The following TRAM2 variants were observed in gnomAD, a reference collection of about 807,000 sequenced individuals.
TRAM2 encodes translocating chain-associated membrane protein 2.
TRAM2 carries 12 observed loss-of-function variants against 51.0 expected under a neutral mutation model. That is an observed-to-expected ratio of 0.24 (90% CI 0.15 to 0.38). The LOEUF (loss-of-function observed/expected upper bound fraction) is 0.38. Among genes scored for constraint, TRAM2 ranks in the 10% least tolerant of loss-of-function variants. TRAM2 has a pLI of 1.00. For missense variants in TRAM2, 361 were observed against 462.0 expected, an observed-to-expected ratio of 0.78 and a Z score of 2.00; for synonymous variants, 175 against 179.4, an observed-to-expected ratio of 0.98 and a Z score of 0.20.
At chr6:52,556,105 A>G (rs1303628739) in intron 1 of TRAM2, among the ~76,000 whole-genome samples, 1 of 152,052 alleles carries the variant, frequency 6.6e-6, no homozygotes, top group Non-Finnish European at 1.5e-5. Flanking sequence ...TGCTGAAGCC[A>G]TATGATCTTT....
At chr6:52,509,052 C>T (rs767027064) in intron 5 of TRAM2, among the ~76,000 whole-genome samples, 4 of 151,930 alleles carry the variant, frequency 2.6e-5, no homozygotes, top group Non-Finnish European at 4.4e-5. Context: ...AGACAAAAAA[C>T]AAAGATCTCG....
chr6:52,568,593 C>G (rs1388443478), intron 1 of TRAM2, among the ~76,000 whole-genome samples: 1 of 152,164 alleles, frequency 6.6e-6, no homozygotes, highest in Non-Finnish European at 1.5e-5. Context: ...AGGTCAGGAG[C>G]TCCCAGACTG....
intron 4 of TRAM2, 41 bp from the exon 5 acceptor site, chr6:52,509,627 G>C (rs201206068): frequency 1.5e-5 from 24 of 1,602,778 alleles, no homozygotes; most frequent in African/African-American, 6.7e-5. Flanking sequence ...AGATGTGGAC[G>C]TGAGACCTGC....
At chr6:52,543,934 T>C (rs1234335050) in intron 1 of TRAM2, among the ~76,000 whole-genome samples, 2 of 152,198 alleles carry the variant, frequency 1.3e-5, no homozygotes, top group Admixed American at 6.5e-5. Context: ...TTCATTTGCT[T>C]GTTTGCTCTT....
intron 1 of TRAM2, among the ~76,000 whole-genome samples, chr6:52,548,188 G>C (rs1030976596): frequency 1.3e-5 from 2 of 152,202 alleles, no homozygotes; most frequent in Non-Finnish European, 2.9e-5. Context: ...GCAATTACGA[G>C]ACCCGCTTCC....
chr6:52,504,901 CACT>C (rs1766317824), intron 9 of TRAM2, 147 bp from the exon 10 acceptor site: 15 of 660,640 alleles, frequency 2.3e-5, no homozygotes, highest in African/African-American at 3.6e-5. Context: ...TCGATACCAC[CACT>C]ATCACCAGGA....
chr6:52,538,523 C>T (rs1185996213), intron 1 of TRAM2, among the ~76,000 whole-genome samples: 1 of 152,156 alleles, frequency 6.6e-6, no homozygotes, highest in East Asian at 1.9e-4. Context: ...CACAGAGCCT[C>T]CTTCAGTTGG....
intron 1 of TRAM2, among the ~76,000 whole-genome samples, chr6:52,546,172 G>A (rs1030806778): frequency 6.6e-6 from 1 of 152,170 alleles, no homozygotes; most frequent in African/African-American, 2.4e-5. Context: ...GGGTGCTACA[G>A]GCTGAGGGAA....
chr6:52,507,533 G>T lies in TRAM2; in HGVS notation c.626+20C>A. 1 of 1,613,360 alleles carries T rather than the reference G, an allele frequency of 6.2e-7. No homozygotes were observed. ...CATAAAAGGGCAAGGAAATCTGGCT[G>T]GCTCCATGGTCTCACTCACTTTAAG... On this transcript the variant is annotated intron_variant, in intron 7 of 10. Coordinates refer to ENST00000182527, the MANE Select transcript of TRAM2 (RefSeq NM_012288.4).
chr6:52,512,759 C>T (rs1032627291), intron 4 of TRAM2, among the ~76,000 whole-genome samples: 6 of 152,340 alleles, frequency 3.9e-5, no homozygotes, highest in African/African-American at 1.4e-4. Flanking sequence ...CCACGAAGAA[C>T]AGCATAATTC....
At chr6:52,554,285 G>A (rs1767362407) in intron 1 of TRAM2, among the ~76,000 whole-genome samples, 1 of 152,122 alleles carries the variant, frequency 6.6e-6, no homozygotes. Context: ...AGCACTTTGG[G>A]AAGTAGAGGC....
At chr6:52,518,503 C>T (rs1190320739) in intron 2 of TRAM2, among the ~76,000 whole-genome samples, 4 of 152,194 alleles carry the variant, frequency 2.6e-5, no homozygotes, top group African/African-American at 9.7e-5. Context: ...CAGCAGTGAA[C>T]ATGCCCAGAG....
intron 2 of TRAM2, among the ~76,000 whole-genome samples, chr6:52,518,360 C>T (rs891582505): frequency 2.0e-5 from 3 of 152,148 alleles, no homozygotes; most frequent in South Asian, 2.1e-4. Context: ...TGGTGAGCGG[C>T]GGGCTGCTGT....
chr6:52,576,630 G>A (rs73429551), intron 1 of TRAM2, among the ~76,000 whole-genome samples, 166 bp downstream of exon 1: 1,764 of 152,276 alleles, frequency 0.012, 28 homozygotes, highest in African/African-American at 0.039. Flanking sequence ...TGGGCTGGCC[G>A]GGGTACAGGC....
At chr6:52,566,305 A>G (rs923453099) in intron 1 of TRAM2, among the ~76,000 whole-genome samples, 2 of 152,074 alleles carry the variant, frequency 1.3e-5, no homozygotes, top group Non-Finnish European at 2.9e-5. Context: ...GAAACATATG[A>G]GAAAGAGAGC....
At chr6:52,573,528 G>C (rs1767714626) in intron 1 of TRAM2, among the ~76,000 whole-genome samples, 1 of 152,186 alleles carries the variant, frequency 6.6e-6, no homozygotes, top group Non-Finnish European at 1.5e-5. Flanking sequence ...CAGCCTGTAG[G>C]ACTGGGAGAA....
intron 1 of TRAM2, among the ~76,000 whole-genome samples, chr6:52,546,180 G>C (rs1767196594): frequency 6.6e-6 from 1 of 152,136 alleles, no homozygotes; most frequent in African/African-American, 2.4e-5. Context: ...CAGGCTGAGG[G>C]AACTGCATGC....
At chr6:52,527,950 G>T (rs1318799675) in intron 2 of TRAM2, among the ~76,000 whole-genome samples, 1 of 152,114 alleles carries the variant, frequency 6.6e-6, no homozygotes, top group Non-Finnish European at 1.5e-5. Flanking sequence ...TTTTCAGATG[G>T]CCAACCAATA....
At chr6:52,542,161 T>C (rs559341785) in intron 1 of TRAM2, among the ~76,000 whole-genome samples, 1 of 152,292 alleles carries the variant, frequency 6.6e-6, no homozygotes, top group African/African-American at 2.4e-5. Flanking sequence ...TTTCCCCAGA[T>C]TGATTTTGCA....
Sources: allele counts gnomAD v4.1 joint callset (sites outside exome capture counted in the v4.1 genomes callset), GRCh38; gene constraint gnomAD v4.1.1; transcripts MANE v1.5; gene names NCBI Gene and HGNC (gene_info 2026-07-23, HGNC 2026-07-21).